ALG11: variants seen among roughly 807,000 people sequenced by gnomAD.
ALG11 encodes GDP-Man:Man(3)GlcNAc(2)-PP-Dol alpha-1,2-mannosyltransferase.
Under a neutral mutation model 38.8 loss-of-function variants are expected in ALG11, and 26 were observed. The observed-to-expected ratio is 0.67, with a 90% CI of 0.49 to 0.93. The LOEUF is 0.93. Ranked by LOEUF, ALG11 falls within the 40% of genes least tolerant of loss-of-function variation. ALG11 has a pLI of 0.00. For synonymous variants in ALG11, 199 were observed against 211.6 expected (o/e 0.94, Z 0.52); for missense variants, 535 against 578.8 (o/e 0.92, Z 0.78).
chr13:52,019,050 A>G lies in ALG11; in HGVS notation c.182A>G (p.Asn61Ser). 3.1e-6 allele frequency: 5 copies of G among 1,614,094 alleles called. No homozygotes were observed. The highest frequency in any genetic ancestry group is 1.7e-5 in the Admixed American group (1 of 60,024). Residue 61 changes from asparagine to serine, a missense_variant, in exon 2 of 4, where the codon AAT becomes AGT. Transcript: ENST00000521508. ...GTGTCAACTAGCAAAAATGGGAAAA[A>G]TCAAATGGTGATTGCATTTTTTCAT... ...KLVSTSKNGK[N>S]QMVIAFFHPY...
chr13:52,028,344 C>A lies in ALG11; in HGVS notation c.1233C>A (p.Gly411=). ...GIGVVECMAA[G]TIILAHNSGG... Reference sequence around the variant, plus strand: ...GAGTTGTGGAGTGTATGGCAGCTGGCACAATTATCCTTGCACACAATTCGG... The same window carrying A: ...GAGTTGTGGAGTGTATGGCAGCTGGAACAATTATCCTTGCACACAATTCGG... The change falls in exon 4 of 4, where the codon GGC becomes GGA. Residue 411 remains glycine (G), a synonymous_variant. Coordinates refer to ENST00000521508, the MANE Select transcript of ALG11 (RefSeq NM_001004127.3). 1 of 1,614,076 alleles carries A rather than the reference C, an allele frequency of 6.2e-7. No individual in the cohort carries two copies.
chr13:52,018,820 A>G, intron 1 of ALG11, 93 bp from the exon 2 acceptor site: 1 of 1,005,700 alleles, frequency 9.9e-7, no homozygotes, highest in South Asian at 1.4e-5. Flanking sequence ...TTTGTTACTA[A>G]TATATAAAGT....
intron 1 of ALG11, chr13:52,016,884 T>C (rs1954138809): frequency 6.6e-6 from 1 of 152,180 alleles, no homozygotes; most frequent in South Asian, 2.1e-4. Flanking sequence ...CCGTCCTCCA[T>C]ACCCCAGAGT....
Position 52,033,150 on chromosome 13 carries a change from C to T in ALG11, c.*4560C>T, listed in dbSNP as rs1954321657. ...TTCCTAATTTGGTATTACATGTATT[C>T]TATTTTTTTCTGAATGATAGCATGA... On this transcript the variant is annotated 3_prime_UTR_variant, in exon 4 of 4. Coordinates refer to ENST00000521508, the MANE Select transcript of ALG11 (RefSeq NM_001004127.3). 1 of 166,922 alleles carries T rather than the reference C, an allele frequency of 6.0e-6. No homozygotes were observed. Among genetic ancestry groups the T allele is most frequent in the Non-Finnish European group, 1.5e-5 (1 of 68,090 alleles). 10.3% of individuals were successfully genotyped at this position (166,922 alleles called of 1,614,324 possible).
At chr13:52,025,089 A>T (rs1954228080) in intron 3 of ALG11, 152 bp downstream of exon 3, 1 of 851,708 alleles carries the variant, frequency 1.2e-6, no homozygotes, top group Non-Finnish European at 1.9e-6. Context: ...AGACCTTGTA[A>T]GATAGTAGTT....
rs776477871 is a variant in ALG11, at chr13:52,029,701, A to C, written c.*1111A>C. On this transcript the variant is annotated 3_prime_UTR_variant, in exon 4 of 4. Coordinates refer to ENST00000521508, the MANE Select transcript of ALG11 (RefSeq NM_001004127.3). ...TGGAAAGAATGAGCCTTAAGCACCA[A>C]AACAGTGGGAAATGGGCCAAGTCAA... 7.4e-6 allele frequency: 12 copies of C among 1,614,100 alleles called. No individual in the cohort carries two copies. Among genetic ancestry groups the C allele is most frequent in the African/African-American group, 1.3e-5 (1 of 74,928 alleles).
At position 52,029,149 on chromosome 13, in the gene ALG11, G is replaced by A. The variant is rs751020259; in HGVS notation, c.*559G>A. ...ATAGAGTCAAATCAAAGAAGGTGGTGGAGTTACCTCTTAACAAAGAAAAAA... is the reference window on the plus strand; with the variant it reads ...ATAGAGTCAAATCAAAGAAGGTGGTAGAGTTACCTCTTAACAAAGAAAAAA... On this transcript the variant is annotated 3_prime_UTR_variant, in exon 4 of 4. Transcript: ENST00000521508. The A allele has an allele frequency of 3.7e-6, 6 of 1,614,090 alleles. No individual in the cohort carries two copies. The highest frequency in any genetic ancestry group is 2.2e-5 in the South Asian group (2 of 91,084).
chr13:52,029,821 C>G lies in ALG11; in HGVS notation c.*1231C>G. 1 of 1,614,196 alleles carries G rather than the reference C, an allele frequency of 6.2e-7. No homozygotes were observed. On this transcript the variant is annotated 3_prime_UTR_variant, in exon 4 of 4. Transcript: ENST00000521508. Reference sequence around the variant, plus strand: ...AACTGACACAGAAACTCCAGGTAGCCTCTGAGAGTGAGGAAGAGGAGGGAG... The same window carrying G: ...AACTGACACAGAAACTCCAGGTAGCGTCTGAGAGTGAGGAAGAGGAGGGAG...
At position 52,031,202 on chromosome 13, in the gene ALG11, C is replaced by T. The variant is rs1055040; in HGVS notation, c.*2612C>T. 2 of 1,502,690 alleles carry T rather than the reference C, an allele frequency of 1.3e-6. No individual in the cohort carries two copies. The highest frequency in any genetic ancestry group is 1.4e-5 in the South Asian group (1 of 71,462). 93.1% of individuals were successfully genotyped at this position (1,502,690 alleles called of 1,614,324 possible). On this transcript the variant is annotated 3_prime_UTR_variant, in exon 4 of 4. Coordinates refer to ENST00000521508, the MANE Select transcript of ALG11 (RefSeq NM_001004127.3). ...AGGGTGGATTCCAAAACTGGCTCAG[C>T]ACATTGCATGTAGTTGAGCCACATT...
At chr13:52,018,219 C>T (rs1438090938) in intron 1 of ALG11, among the ~76,000 whole-genome samples, 1 of 152,218 alleles carries the variant, frequency 6.6e-6, no homozygotes, top group African/African-American at 2.4e-5. Context: ...CTTGCTTTTG[C>T]AGAGCTTCAA....
chr13:52,030,995 A>G lies in ALG11; in HGVS notation c.*2405A>G, dbSNP rs1451290284. The G allele has an allele frequency of 1.9e-6, 3 of 1,614,212 alleles. No homozygotes were observed. Among genetic ancestry groups the G allele is most frequent in the South Asian group, 1.1e-5 (1 of 91,078 alleles). ...CAAGCCAGGCCATATCATTAAGCCC[A>G]TAAAAGCAGAGGATGTGGGCTACCA... On this transcript the variant is annotated 3_prime_UTR_variant, in exon 4 of 4. Transcript: ENST00000521508.
chr13:52,016,594 G>T (rs1566698918), intron 1 of ALG11: 2 of 152,342 alleles, frequency 1.3e-5, no homozygotes, highest in African/African-American at 2.4e-5. Context: ...TGCAGAGCTA[G>T]TGCTGTGGCT....
In ALG11 at chr13:52,028,345, A is replaced by G. The variant is rs779064391; in HGVS notation, c.1234A>G (p.Thr412Ala). 6 of 1,614,162 alleles carry G rather than the reference A, an allele frequency of 3.7e-6. No individual in the cohort carries two copies. The highest frequency in any genetic ancestry group is 1.6e-4 in the Middle Eastern group (1 of 6,062). Residue 412 changes from threonine (T) to alanine (A), a missense_variant, in exon 4 of 4, where the codon ACA becomes GCA. Coordinates refer to ENST00000521508, the MANE Select transcript of ALG11 (RefSeq NM_001004127.3). ...AGTTGTGGAGTGTATGGCAGCTGGC[A>G]CAATTATCCTTGCACACAATTCGGG... ...IGVVECMAAGTIILAHNSGGP... is the reference protein window; with the variant it reads ...IGVVECMAAGAIILAHNSGGP...
At chr13:52,013,005 T>C (rs1954094521) in intron 1 of ALG11, among the ~76,000 whole-genome samples, 1 of 152,220 alleles carries the variant, frequency 6.6e-6, no homozygotes, top group African/African-American at 2.4e-5. Context: ...TAAAATATTA[T>C]TTTATTTGTA....
Position 52,028,425 on chromosome 13 carries a change from G to A in ALG11, c.1314G>A (p.Leu438=). The change falls in exon 4 of 4, where the codon CTG becomes CTA. Residue 438 remains leucine (L), a synonymous_variant. Transcript: ENST00000521508. ...VPHEGDITGF[L]AESEEDYAET... is the part of the protein sequence containing the mutation. ...ACGAAGGAGATATAACTGGCTTTCTGGCTGAGAGTGAAGAAGACTATGCTG... is the reference window on the plus strand; with the variant it reads ...ACGAAGGAGATATAACTGGCTTTCTAGCTGAGAGTGAAGAAGACTATGCTG... The A allele has an allele frequency of 6.2e-7, 1 of 1,614,124 alleles. No homozygotes were observed. Among genetic ancestry groups the A allele is most frequent in the Non-Finnish European group, 8.5e-7 (1 of 1,180,042 alleles).
chr13:52,028,847 C>A lies in ALG11; in HGVS notation c.*257C>A. On this transcript the variant is annotated 3_prime_UTR_variant, in exon 4 of 4. Coordinates refer to ENST00000521508, the MANE Select transcript of ALG11 (RefSeq NM_001004127.3). Reference sequence around the variant, plus strand: ...TGCAGAGAATCTGGCTTTGAGCCACCAGGAAGAACTAGTGGATTTGCCAAA... The same window carrying A: ...TGCAGAGAATCTGGCTTTGAGCCACAAGGAAGAACTAGTGGATTTGCCAAA... 2 of 1,614,170 alleles carry A rather than the reference C, an allele frequency of 1.2e-6. No individual in the cohort carries two copies. The highest frequency in any genetic ancestry group is 2.2e-5 in the East Asian group (1 of 44,874).
At chr13:52,024,967 G>A in intron 3 of ALG11, 30 bp downstream of exon 3, 1 of 1,583,642 alleles carries the variant, frequency 6.3e-7, no homozygotes, top group Non-Finnish European at 8.6e-7. Context: ...AACTTGTTTG[G>A]TGCCATGAGA....
In ALG11 at chr13:52,028,936, G is replaced by C. The variant is rs1464700565; in HGVS notation, c.*346G>C. 6.2e-7 allele frequency: 1 copy of C among 1,614,118 alleles called. No homozygotes were observed. Among genetic ancestry groups the C allele is most frequent in the Non-Finnish European group, 8.5e-7 (1 of 1,180,052 alleles). ...GTGATGGAGAGAGAAAGCATCAAAA[G>C]CTTCTGGAAGCAATCATTTCCCTTG... On this transcript the variant is annotated 3_prime_UTR_variant, in exon 4 of 4. Transcript: ENST00000521508.
In ALG11 at chr13:52,031,996, GTGGA is replaced by G. The variant is rs1342973519; in HGVS notation, c.*3408_*3411del. On this transcript the variant is annotated 3_prime_UTR_variant, in exon 4 of 4. Coordinates refer to ENST00000521508, the MANE Select transcript of ALG11 (RefSeq NM_001004127.3). ...CCAGCACTTTGGGAGGCCGAGATGG[GTGGA>G]TCATGAGGTCAGCAGTTGAGACCAG... 1.2e-5 allele frequency: 2 copies of G among 161,650 alleles called. No homozygotes were observed. Among genetic ancestry groups the G allele is most frequent in the Non-Finnish European group, 2.9e-5 (2 of 68,118 alleles). The allele number at this position is 161,650 out of a possible 1,614,324, so 10.0% of individuals were successfully genotyped here. A position where few individuals can be genotyped will look rare whatever the true frequency, so the allele number is the denominator to read the frequency against.
Sources: gnomAD v4.1 joint callset for allele counts (sites outside exome capture counted in the v4.1 genomes callset) on GRCh38, gnomAD v4.1.1 for gene constraint, MANE v1.5 for transcripts, NCBI Gene and HGNC (gene_info 2026-07-23, HGNC 2026-07-21) for gene names.